STAU2: variants seen among roughly 807,000 people sequenced by gnomAD.
STAU2 encodes double-stranded RNA-binding protein Staufen homolog 2.
Under a neutral mutation model 65.9 loss-of-function variants are expected in STAU2, and 20 were observed. The observed-to-expected ratio is 0.30, with a 90% CI of 0.21 to 0.44. STAU2 has a LOEUF of 0.44. Among genes scored for constraint, STAU2 ranks in the 20% least tolerant of loss-of-function variants. The pLI is 1.00. For missense variants in STAU2, 558 were observed against 683.9 expected (o/e 0.82, Z 2.05); for synonymous variants, 232 against 233.9 (o/e 0.99, Z 0.07).
At chr8:73,624,534 T>C (rs1226117532) in intron 6 of STAU2, among the ~76,000 whole-genome samples, 1 of 152,186 alleles carries the variant, frequency 6.6e-6, no homozygotes, top group Non-Finnish European at 1.5e-5. Flanking sequence ...GATACTAATC[T>C]CACTGAATCC....
intron 6 of STAU2, among the ~76,000 whole-genome samples, chr8:73,657,297 T>C (rs985771429): frequency 6.6e-6 from 1 of 152,198 alleles, no homozygotes; most frequent in Non-Finnish European, 1.5e-5. Context: ...GGTGGAGATA[T>C]TACAGTCTCA....
chr8:73,668,621 T>G (rs1325664345), intron 6 of STAU2, among the ~76,000 whole-genome samples: 1 of 152,246 alleles, frequency 6.6e-6, no homozygotes, highest in Non-Finnish European at 1.5e-5. Context: ...CTTTGTCAAA[T>G]GAATTTTTAT....
At position 73,644,447 on chromosome 8, in the gene STAU2, A is replaced by T. The variant is rs550028317; in HGVS notation, c.411-26996T>A. Among the ~76,000 whole-genome samples the T allele has an allele frequency of 1.2e-4, 16 of 138,998 alleles. No individual in the cohort carries two copies. The East Asian group carries it at 3.3e-3, about 29-fold the overall frequency. 91.2% of individuals were successfully genotyped at this position (138,998 alleles called of 152,430 possible). On this transcript the variant is annotated intron_variant, in intron 6 of 14. Transcript: ENST00000524300. Reference sequence around the variant, plus strand: ...GCAACAGAGTAAGATCCTGTCTCTTAAAAAAAAAAAAATGTTATGAAGAAT... The same window carrying T: ...GCAACAGAGTAAGATCCTGTCTCTTTAAAAAAAAAAAATGTTATGAAGAAT...
At chr8:73,566,053 A>G (rs1221088256) in intron 12 of STAU2, among the ~76,000 whole-genome samples, 1 of 152,252 alleles carries the variant, frequency 6.6e-6, no homozygotes, top group East Asian at 1.9e-4. Context: ...TAAATGCACC[A>G]GACTGGAGCC....
chr8:73,550,300 A>C (rs1485705552), intron 13 of STAU2: 2 of 984,006 alleles, frequency 2.0e-6, no homozygotes, highest in East Asian at 2.3e-4. Context: ...TGAGGGAAGC[A>C]GACTCTACAT....
chr8:73,545,941 C>T (rs1023354907), intron 13 of STAU2, among the ~76,000 whole-genome samples: 1 of 151,848 alleles, frequency 6.6e-6, no homozygotes, highest in Non-Finnish European at 1.5e-5. Flanking sequence ...GCCACCACAC[C>T]TGGCCCTATT....
intron 12 of STAU2, among the ~76,000 whole-genome samples, chr8:73,557,304 G>A (rs1176828654): frequency 6.6e-6 from 1 of 152,242 alleles, no homozygotes; most frequent in South Asian, 2.1e-4. Context: ...TAACAGACTA[G>A]TCATAGAAAT....
intron 4 of STAU2, among the ~76,000 whole-genome samples, chr8:73,691,718 G>C (rs373313201): frequency 1.3e-5 from 2 of 152,130 alleles, no homozygotes; most frequent in Middle Eastern, 3.4e-3. Flanking sequence ...ATATGTATTT[G>C]GTCTCCGGCC....
At chr8:73,600,229 T>A (rs1586093926) in intron 10 of STAU2, among the ~76,000 whole-genome samples, 1 of 152,186 alleles carries the variant, frequency 6.6e-6, no homozygotes, top group Non-Finnish European at 1.5e-5. Flanking sequence ...AAAGACAAAC[T>A]AAATGACAGT....
At chr8:73,436,581 T>TTTAC (rs1216408895) in intron 13 of STAU2, among the ~76,000 whole-genome samples, 1 of 149,202 alleles carries the variant, frequency 6.7e-6, no homozygotes, top group African/African-American at 2.5e-5. Context: ...TATTTATTTA[T>TTTAC]TTATTTATTT....
intron 13 of STAU2, among the ~76,000 whole-genome samples, chr8:73,502,866 C>T (rs1243142089): frequency 1.3e-5 from 2 of 152,010 alleles, no homozygotes; most frequent in Admixed American, 6.6e-5. Context: ...TATTGTCACA[C>T]TGGCTTACAT....
At chr8:73,421,493 T>C in intron 14 of STAU2, 28 bp from the exon 15 acceptor site, 2 of 1,536,236 alleles carry the variant, frequency 1.3e-6, no homozygotes, top group Non-Finnish European at 1.7e-6. Flanking sequence ...TAACAAGAGC[T>C]GAAGGCCTGG....
intron 11 of STAU2, among the ~76,000 whole-genome samples, chr8:73,585,656 A>G (rs1410766531): frequency 6.6e-6 from 1 of 152,234 alleles, no homozygotes; most frequent in Non-Finnish European, 1.5e-5. Context: ...CTTGAAAAGG[A>G]GAAACCCAGC....
At chr8:73,592,315 G>A (rs1392515612) in intron 11 of STAU2, among the ~76,000 whole-genome samples, 1 of 152,028 alleles carries the variant, frequency 6.6e-6, no homozygotes, top group Non-Finnish European at 1.5e-5. Flanking sequence ...GTAAAGAAAT[G>A]TTATTTAGAT....
At chr8:73,599,861 G>A (rs1200071912) in intron 10 of STAU2, among the ~76,000 whole-genome samples, 2 of 151,830 alleles carry the variant, frequency 1.3e-5, no homozygotes, top group Non-Finnish European at 1.5e-5. Context: ...TCCGCCTCCC[G>A]GGTTCATGCC....
chr8:73,590,438 T>C (rs1270516868), intron 11 of STAU2: 1 of 152,044 alleles, frequency 6.6e-6, no homozygotes, highest in Non-Finnish European at 1.5e-5. Flanking sequence ...ATCTTTAAAG[T>C]ACTAAAAGAA....
chr8:73,693,474 CAAA>C (rs57858834), intron 4 of STAU2, among the ~76,000 whole-genome samples: 5 of 68,442 alleles, frequency 7.3e-5, no homozygotes, highest in African/African-American at 1.1e-4. Flanking sequence ...GACTCCGTCT[CAAA>C]AAAAAAAAAA....
At chr8:73,607,960 A>T (rs992341796) in intron 9 of STAU2, among the ~76,000 whole-genome samples, 1 of 152,176 alleles carries the variant, frequency 6.6e-6, no homozygotes, top group Non-Finnish European at 1.5e-5. Context: ...CTTATGTAAG[A>T]GCCACTATGC....
chr8:73,495,218 A>T (rs1380180207), intron 13 of STAU2, among the ~76,000 whole-genome samples: 6 of 151,554 alleles, frequency 4.0e-5, no homozygotes, highest in Non-Finnish European at 8.9e-5. Flanking sequence ...GATATATTCA[A>T]ATTAGAAGTG....
Sources: allele counts gnomAD v4.1 joint callset (sites outside exome capture counted in the v4.1 genomes callset), GRCh38; gene constraint gnomAD v4.1.1; transcripts MANE v1.5; gene names NCBI Gene and HGNC (gene_info 2026-07-23, HGNC 2026-07-21).